PPP2R2B: variants seen among roughly 807,000 people sequenced by gnomAD.
The protein encoded by PPP2R2B is protein phosphatase 2 regulatory subunit Bbeta.
Under a neutral mutation model 46.0 loss-of-function variants are expected in PPP2R2B, and 5 were observed. The ratio of observed to expected loss-of-function variants is 0.11; its 90% confidence interval spans 0.06 to 0.23. The LOEUF (loss-of-function observed/expected upper bound fraction) is 0.23, where lower values mean the gene tolerates loss of function less well. Among genes scored for constraint, PPP2R2B ranks in the 10% least tolerant of loss-of-function variants. PPP2R2B has a pLI of 1.00. For synonymous variants in PPP2R2B, 215 were observed against 206.7 expected (o/e 1.04, Z -0.34); for missense variants, 367 against 575.0 (o/e 0.64, Z 3.70).
intron 2 of PPP2R2B, among the ~76,000 whole-genome samples, chr5:146,796,969 T>C (rs1340788165): frequency 6.6e-6 from 1 of 152,156 alleles, no homozygotes; most frequent in African/African-American, 2.4e-5. Context: ...CTCCATCCCA[T>C]AAGTTCTCCA....
intron 1 of PPP2R2B, among the ~76,000 whole-genome samples, chr5:147,043,264 T>C (rs1215113805): frequency 6.6e-6 from 1 of 152,034 alleles, no homozygotes; most frequent in Non-Finnish European, 1.5e-5. Flanking sequence ...TGCAAAGTCA[T>C]AGTTTGAAGC....
At chr5:147,056,678 A>AG (rs1297525429), upstream of PPP2R2B, among the ~76,000 whole-genome samples, 5 of 152,186 alleles carry the variant, frequency 3.3e-5, no homozygotes, top group Admixed American at 6.5e-5. Context: ...AGAGAGAGAG[A>AG]GAAAAAGAGA....
intron 1 of PPP2R2B, among the ~76,000 whole-genome samples, chr5:147,048,631 C>CT (rs1412163304): frequency 2.6e-5 from 4 of 152,060 alleles, no homozygotes; most frequent in Non-Finnish European, 5.9e-5. Context: ...TTTTACAACA[C>CT]TTTTTTTCAC....
intron 1 of PPP2R2B, among the ~76,000 whole-genome samples, chr5:146,955,457 T>C (rs1416282316): frequency 6.6e-6 from 1 of 152,196 alleles, no homozygotes; most frequent in African/African-American, 2.4e-5. Flanking sequence ...AATTGTTCTG[T>C]AATGAAAACT....
At chr5:147,045,754 A>T (rs1044978746) in intron 1 of PPP2R2B, among the ~76,000 whole-genome samples, 1 of 152,132 alleles carries the variant, frequency 6.6e-6, no homozygotes, top group Non-Finnish European at 1.5e-5. Flanking sequence ...ACATCACTTG[A>T]TAGCTTCATC....
At chr5:146,915,234 A>G (rs925875047) in intron 1 of PPP2R2B, among the ~76,000 whole-genome samples, 1 of 152,098 alleles carries the variant, frequency 6.6e-6, no homozygotes, top group East Asian at 1.9e-4. Flanking sequence ...CCAGGAAAAA[A>G]TTTTTAAAAT....
At chr5:146,866,822 T>C (rs1761339719) in intron 2 of PPP2R2B, among the ~76,000 whole-genome samples, 1 of 152,106 alleles carries the variant, frequency 6.6e-6, no homozygotes, top group Non-Finnish European at 1.5e-5. Context: ...ACAGCAGAAG[T>C]CCTTTTAACA....
chr5:146,766,695 C>T (rs1754497842), intron 2 of PPP2R2B, among the ~76,000 whole-genome samples: 3 of 152,130 alleles, frequency 2.0e-5, no homozygotes, highest in African/African-American at 7.2e-5. Flanking sequence ...ACAGCAAGTT[C>T]TTGTCTTAGC....
intron 2 of PPP2R2B, among the ~76,000 whole-genome samples, chr5:146,744,093 C>G (rs966049037): frequency 9.9e-5 from 15 of 152,186 alleles, no homozygotes; most frequent in African/African-American, 2.9e-4. Flanking sequence ...TACTAACTTA[C>G]AAATATATCT....
chr5:147,012,584 T>G (rs1033673932), intron 1 of PPP2R2B, among the ~76,000 whole-genome samples: 1 of 152,144 alleles, frequency 6.6e-6, no homozygotes, highest in Non-Finnish European at 1.5e-5. Context: ...TTTCCTTCAG[T>G]TCTGCTCTGA....
intron 1 of PPP2R2B, among the ~76,000 whole-genome samples, chr5:146,966,232 T>A (rs538895943): frequency 6.6e-6 from 1 of 152,298 alleles, no homozygotes; most frequent in South Asian, 2.1e-4. Context: ...TATTGAACAC[T>A]GCCACCTAGT....
chr5:146,773,065 G>T (rs1270616362), intron 2 of PPP2R2B, among the ~76,000 whole-genome samples: 1 of 152,174 alleles, frequency 6.6e-6, no homozygotes, highest in Non-Finnish European at 1.5e-5. Flanking sequence ...TTTTAAAATT[G>T]TGTTAGCACC....
chr5:146,761,648 T>C (rs1248930976), intron 2 of PPP2R2B, among the ~76,000 whole-genome samples: 1 of 151,396 alleles, frequency 6.6e-6, no homozygotes, highest in Non-Finnish European at 1.5e-5. Flanking sequence ...AAAAAGAAAA[T>C]ATTTGAGGGT....
chr5:146,998,386 C>A (rs1432297764), intron 1 of PPP2R2B, among the ~76,000 whole-genome samples: 1 of 152,138 alleles, frequency 6.6e-6, no homozygotes, highest in Non-Finnish European at 1.5e-5. Flanking sequence ...TTAATTGAGT[C>A]GGACAATCTG....
chr5:146,844,104 CA>C (rs1462802751), intron 2 of PPP2R2B, among the ~76,000 whole-genome samples: 1 of 147,510 alleles, frequency 6.8e-6, no homozygotes, highest in Admixed American at 7.0e-5. Flanking sequence ...ATCGCAAGAA[CA>C]AAAAACCAAA....
At chr5:146,801,269 A>G (rs892143825) in intron 2 of PPP2R2B, among the ~76,000 whole-genome samples, 2 of 152,192 alleles carry the variant, frequency 1.3e-5, no homozygotes, top group African/African-American at 4.8e-5. Context: ...ATGTGACTAT[A>G]GTTAACATTA....
At chr5:146,826,208 T>G (rs1019199396) in intron 2 of PPP2R2B, among the ~76,000 whole-genome samples, 15 of 152,192 alleles carry the variant, frequency 9.9e-5, no homozygotes, top group Non-Finnish European at 1.6e-4. Flanking sequence ...CTAGGAATAA[T>G]TAAATATCCT....
chr5:146,812,785 A>G (rs796197325), intron 2 of PPP2R2B, among the ~76,000 whole-genome samples: 455 of 16,514 alleles, frequency 0.028, 51 homozygotes, highest in East Asian at 0.095. Context: ...GTGTGTGTGT[A>G]TATGTGTGTA....
intron 1 of PPP2R2B, among the ~76,000 whole-genome samples, chr5:146,914,729 G>T (rs1763316866): frequency 6.6e-6 from 1 of 152,172 alleles, no homozygotes; most frequent in African/African-American, 2.4e-5. Flanking sequence ...ATAAGTATAG[G>T]GTTGGGTTTT....
Sources: gnomAD v4.1 joint callset for allele counts (sites outside exome capture counted in the v4.1 genomes callset) on GRCh38, gnomAD v4.1.1 for gene constraint, MANE v1.5 for transcripts, NCBI Gene and HGNC (gene_info 2026-07-23, HGNC 2026-07-21) for gene names.